Variants in ARL13B observed in about 807,000 individuals in gnomAD.
ARL13B encodes the protein ADP-ribosylation factor-like protein 13B.
In ARL13B, 36 loss-of-function variants were observed where a neutral mutation model predicts 56.1. The ratio of observed to expected loss-of-function variants is 0.64; its 90% CI spans 0.49 to 0.85. The LOEUF (loss-of-function observed/expected upper bound fraction) is 0.85. Among genes scored for constraint, ARL13B ranks in the 40% least tolerant of loss-of-function variants. ARL13B has a pLI of 0.00. For synonymous variants in ARL13B, 178 were observed against 171.1 expected, an observed-to-expected ratio of 1.04 and a Z score of -0.32; for missense variants, 519 against 507.1, an observed-to-expected ratio of 1.02 and a Z score of -0.23.
intron 3 of ARL13B, among the ~76,000 whole-genome samples, chr3:94,008,301 C>T (rs1356320510): frequency 6.6e-6 from 1 of 151,896 alleles, no homozygotes; most frequent in African/African-American, 2.4e-5. Context: ...CTGCTCCCCA[C>T]CCCCCTTAAC....
intron 1 of ARL13B, among the ~76,000 whole-genome samples, chr3:93,981,852 T>A (rs1469307799): frequency 8.4e-6 from 1 of 118,372 alleles, no homozygotes; most frequent in Non-Finnish European, 1.6e-5. Context: ...AGTGACACAG[T>A]GCAACCCTGT....
At chr3:93,990,428 C>T (rs2075851717) in intron 1 of ARL13B, among the ~76,000 whole-genome samples, 1 of 151,998 alleles carries the variant, frequency 6.6e-6, no homozygotes, top group Non-Finnish European at 1.5e-5. Flanking sequence ...GAATGGCCTC[C>T]AAGCCTAAAC....
intron 3 of ARL13B, among the ~76,000 whole-genome samples, chr3:94,013,019 G>C (rs1173909516): frequency 6.6e-6 from 1 of 152,156 alleles, no homozygotes; most frequent in African/African-American, 2.4e-5. Flanking sequence ...TCTAGCCCTT[G>C]CTGACCTTTC....
At chr3:94,025,480 A>G (rs1303891807) in intron 3 of ARL13B, among the ~76,000 whole-genome samples, 1 of 152,182 alleles carries the variant, frequency 6.6e-6, no homozygotes, top group Non-Finnish European at 1.5e-5. Flanking sequence ...AAGATCCTTT[A>G]CATTATTAGG....
chr3:94,041,737 G>A (rs1394328130), intron 6 of ARL13B, among the ~76,000 whole-genome samples: 1 of 152,060 alleles, frequency 6.6e-6, no homozygotes, highest in African/African-American at 2.4e-5. Context: ...ATAGAAAAGT[G>A]GGCATTGGGT....
intron 2 of ARL13B, among the ~76,000 whole-genome samples, chr3:94,001,631 T>A (rs1419179864): frequency 6.6e-6 from 1 of 152,196 alleles, no homozygotes; most frequent in East Asian, 1.9e-4. Context: ...CCTATTAATA[T>A]TCCACTTCTC....
chr3:94,001,648 A>G lies in ARL13B; in HGVS notation c.131-2011A>G, dbSNP rs1000062058. 2.6e-5 allele frequency among the ~76,000 whole-genome samples: 4 copies of G among 152,130 alleles called. No individual in the cohort carries two copies. In the East Asian group the frequency reaches 7.7e-4, roughly 29 times the overall value. Reference sequence around the variant, plus strand: ...TATTAATATTCCACTTCTCTATATTACATTGTACTTTGAGGACAGCAATCA... The same window carrying G: ...TATTAATATTCCACTTCTCTATATTGCATTGTACTTTGAGGACAGCAATCA... On this transcript the variant is annotated intron_variant, in intron 2 of 9. Coordinates refer to ENST00000394222, the MANE Select transcript of ARL13B (RefSeq NM_001174150.2).
chr3:94,040,238 G>C (rs1018048037), intron 6 of ARL13B, among the ~76,000 whole-genome samples: 1 of 152,098 alleles, frequency 6.6e-6, no homozygotes, highest in African/African-American at 2.4e-5. Context: ...AAATTTGACT[G>C]TAGCAATTAT....
intron 3 of ARL13B, among the ~76,000 whole-genome samples, chr3:94,025,662 G>T (rs1353367187): frequency 6.6e-6 from 1 of 152,114 alleles, no homozygotes; most frequent in South Asian, 2.1e-4. Context: ...ATACATTGAG[G>T]CTATTTTTTT....
Position 94,047,223 on chromosome 3 carries a change from G to T in ARL13B, c.1025-2183G>T, listed in dbSNP as rs1239900271. ...AGTATCACAGGGCTTATGAAAATAA[G>T]ATTTCAATTCCTGAGATACAGATTA... On this transcript the variant is annotated intron_variant, in intron 7 of 9. Coordinates refer to ENST00000394222, the MANE Select transcript of ARL13B (RefSeq NM_001174150.2). 3.9e-5 allele frequency among the ~76,000 whole-genome samples: 6 copies of T among 152,210 alleles called. No individual in the cohort carries two copies. In the East Asian group the frequency reaches 1.2e-3, roughly 29 times the overall value.
At chr3:94,023,715 C>T (rs2076498038) in intron 3 of ARL13B, among the ~76,000 whole-genome samples, 1 of 152,040 alleles carries the variant, frequency 6.6e-6, no homozygotes, top group Non-Finnish European at 1.5e-5. Flanking sequence ...TCTTTTTCCC[C>T]TATTGTCTAT....
rs753429667 is a variant in ARL13B, at chr3:93,980,155, GC to G, written c.-268del. ...AGTAACGTCAGCACGTCGACGCGGGGCTTTTCTTTAGCCGGGTCCCGCTAAC... is the reference window on the plus strand; with the variant it reads ...AGTAACGTCAGCACGTCGACGCGGGGTTTTCTTTAGCCGGGTCCCGCTAAC... On this transcript the variant is annotated 5_prime_UTR_variant, in exon 1 of 10. Transcript: ENST00000394222. The G allele has an allele frequency of 1.4e-4, 84 of 621,986 alleles. No homozygotes were observed. The South Asian group carries it at 1.4e-3, about 10-fold the overall frequency. The allele number at this position is 621,986 out of a possible 1,614,324, so 38.5% of individuals were successfully genotyped here.
At chr3:93,996,276 T>G (rs2075963624) in intron 2 of ARL13B, among the ~76,000 whole-genome samples, 1 of 152,176 alleles carries the variant, frequency 6.6e-6, no homozygotes, top group South Asian at 2.1e-4. Flanking sequence ...CATCTTCTAC[T>G]TACATTTTCC....
At chr3:94,030,076 T>G (rs375230056) in intron 3 of ARL13B, among the ~76,000 whole-genome samples, 2 of 152,134 alleles carry the variant, frequency 1.3e-5, no homozygotes, top group Non-Finnish European at 2.9e-5. Context: ...TTGTTTATAT[T>G]TTCAAAAAGA....
chr3:94,016,672 A>G (rs2076339714), intron 3 of ARL13B, among the ~76,000 whole-genome samples: 2 of 139,952 alleles, frequency 1.4e-5, no homozygotes, highest in African/African-American at 5.3e-5. Flanking sequence ...TTGGAGATGG[A>G]GTCTTGCTCT....
chr3:94,011,043 C>T (rs533703686), intron 3 of ARL13B, among the ~76,000 whole-genome samples: 4 of 151,956 alleles, frequency 2.6e-5, no homozygotes, highest in African/African-American at 7.2e-5. Context: ...AGCGGAGATA[C>T]GTGAAACATC....
chr3:94,050,725 G>A (rs901467364), intron 8 of ARL13B, 99 bp from the exon 9 acceptor site: 6 of 962,034 alleles, frequency 6.2e-6, no homozygotes, highest in Admixed American at 2.0e-5. Context: ...AATTGACATT[G>A]AATGTTACAT....
chr3:93,980,536 C>T lies in ARL13B; in HGVS notation c.59+54C>T, dbSNP rs1042531095. On this transcript the variant is annotated intron_variant, in intron 1 of 9. Coordinates refer to ENST00000394222, the MANE Select transcript of ARL13B (RefSeq NM_001174150.2). ...CCTAGGGGTTGGAGATGGCTGCGCC[C>T]CAGGGGCGAGGCGCCGCCTTTTCCC... 7 of 1,598,646 alleles carry T rather than the reference C, an allele frequency of 4.4e-6. No individual in the cohort carries two copies. The East Asian group carries it at 6.7e-5, about 15-fold the overall frequency.
At chr3:93,989,470 G>T (rs1305494683) in intron 1 of ARL13B, among the ~76,000 whole-genome samples, 1 of 152,106 alleles carries the variant, frequency 6.6e-6, no homozygotes, top group Non-Finnish European at 1.5e-5. Flanking sequence ...GGCATGGCAG[G>T]CTTCCTGGGA....
Sources: gnomAD v4.1 joint callset for allele counts (sites outside exome capture counted in the v4.1 genomes callset) on GRCh38, gnomAD v4.1.1 for gene constraint, MANE v1.5 for transcripts, NCBI Gene and HGNC (gene_info 2026-07-23, HGNC 2026-07-21) for gene names.